The following EEFSEC variants were observed in gnomAD, a reference collection of about 807,000 sequenced individuals.
EEFSEC encodes the protein selenocysteine-specific elongation factor.
In EEFSEC, 43 loss-of-function variants were observed where a neutral mutation model predicts 42.1. The observed-to-expected ratio is 1.02, with a 90% CI of 0.80 to 1.32. The LOEUF is 1.32. Ranked by LOEUF, EEFSEC falls within the 40% of genes most tolerant of loss-of-function variation. The pLI, the probability that EEFSEC is intolerant of heterozygous loss-of-function variation, is 0.00. For missense variants in EEFSEC, 745 were observed against 803.6 expected (o/e 0.93, Z 0.88); for synonymous variants, 354 against 339.1 (o/e 1.04, Z -0.48).
chr3:128,387,050 C>T (rs2067847908), intron 6 of EEFSEC, among the ~76,000 whole-genome samples: 1 of 152,210 alleles, frequency 6.6e-6, no homozygotes, highest in Non-Finnish European at 1.5e-5. Flanking sequence ...ACCACAGGGC[C>T]CAGGTGAGGA....
At chr3:128,257,569 T>C (rs1054816802) in intron 2 of EEFSEC, among the ~76,000 whole-genome samples, 1 of 152,226 alleles carries the variant, frequency 6.6e-6, no homozygotes, top group Non-Finnish European at 1.5e-5. Flanking sequence ...AGGTCTTTTA[T>C]GGTTTTCTTA....
At chr3:128,380,687 T>A (rs1559949565) in intron 6 of EEFSEC, among the ~76,000 whole-genome samples, 1 of 152,240 alleles carries the variant, frequency 6.6e-6, no homozygotes, top group South Asian at 2.1e-4. Context: ...TGGTCAGCGG[T>A]TCTGGTTGAC....
At chr3:128,308,629 A>G (rs2066857347) in intron 4 of EEFSEC, among the ~76,000 whole-genome samples, 1 of 152,206 alleles carries the variant, frequency 6.6e-6, no homozygotes, top group Non-Finnish European at 1.5e-5. Flanking sequence ...TTGAATATCA[A>G]ATTTTATGAA....
At chr3:128,267,745 G>A (rs1345685573) in intron 4 of EEFSEC, among the ~76,000 whole-genome samples, 2 of 152,240 alleles carry the variant, frequency 1.3e-5, no homozygotes, top group Non-Finnish European at 2.9e-5. Context: ...TTCTGTTGAA[G>A]AGAGGAGGTG....
chr3:128,242,883 C>CA (rs2066086569), intron 1 of EEFSEC, among the ~76,000 whole-genome samples: 1 of 152,186 alleles, frequency 6.6e-6, no homozygotes, highest in African/African-American at 2.4e-5. Context: ...CCCACCCACT[C>CA]ACTCGCTATG....
chr3:128,321,606 T>C (rs2067009083), intron 4 of EEFSEC, among the ~76,000 whole-genome samples: 1 of 152,106 alleles, frequency 6.6e-6, no homozygotes, highest in African/African-American at 2.4e-5. Context: ...TCCTAGCCTT[T>C]CACTATGGGC....
intron 6 of EEFSEC, among the ~76,000 whole-genome samples, chr3:128,398,680 G>A (rs529028840): frequency 1.3e-5 from 2 of 152,238 alleles, no homozygotes; most frequent in African/African-American, 4.8e-5. Flanking sequence ...AGGAGCCTGT[G>A]GCAAACCACC....
Position 128,348,586 on chromosome 3 carries a change from G to A in EEFSEC, c.1443+6697G>A, listed in dbSNP as rs565497786. On this transcript the variant is annotated intron_variant, in intron 5 of 6. Transcript: ENST00000254730. Reference sequence around the variant, plus strand: ...ATGTAACTAGGATTATTCTTTGGGGGTTTTTTTGCATGGTATGTACTTTTA... The same window carrying A: ...ATGTAACTAGGATTATTCTTTGGGGATTTTTTTGCATGGTATGTACTTTTA... Among the ~76,000 whole-genome samples, 4 of 152,156 alleles carry A rather than the reference G, an allele frequency of 2.6e-5. No homozygotes were observed. In the East Asian group the frequency reaches 5.8e-4, roughly 22 times the overall value.
chr3:128,298,643 A>G (rs2066734763), intron 4 of EEFSEC, among the ~76,000 whole-genome samples: 1 of 152,188 alleles, frequency 6.6e-6, no homozygotes, highest in African/African-American at 2.4e-5. Flanking sequence ...ATTGTTAACT[A>G]TATAGTCAGC....
chr3:128,264,681 A>G lies in EEFSEC; in HGVS notation c.686A>G (p.Asp229Gly). 6.2e-7 allele frequency: 1 copy of G among 1,614,004 alleles called. No individual in the cohort carries two copies. Among genetic ancestry groups the G allele is most frequent in the Non-Finnish European group, 8.5e-7 (1 of 1,179,976 alleles). Residue 229 changes from aspartate to glycine, a missense_variant, in exon 4 of 7, where the codon GAC becomes GGC. Asp to Gly is a moderately conservative substitution (Grantham distance 94). Coordinates refer to ENST00000254730, the MANE Select transcript of EEFSEC (RefSeq NM_021937.5). ...TCGGGACCGTTCCTCATGTCTGTGG[A>G]CCACTGTTTCTCCATCAAAGGCCAA... Reference protein sequence around the residue: ...DPSGPFLMSVDHCFSIKGQGT... With the variant: ...DPSGPFLMSVGHCFSIKGQGT...
At chr3:128,383,040 A>G (rs1048365788) in intron 6 of EEFSEC, among the ~76,000 whole-genome samples, 1 of 151,822 alleles carries the variant, frequency 6.6e-6, no homozygotes, top group Non-Finnish European at 1.5e-5. Flanking sequence ...ACCTGAGTGG[A>G]TCCCTGCCCC....
chr3:128,253,966 A>G (rs2066215399), intron 2 of EEFSEC, among the ~76,000 whole-genome samples: 1 of 152,182 alleles, frequency 6.6e-6, no homozygotes, highest in Admixed American at 6.5e-5. Flanking sequence ...TGTCTTTAAA[A>G]AAGAAAAAAA....
the EEFSEC span, among the ~76,000 whole-genome samples, chr3:128,426,103 A>T: frequency 1.4e-3 from 219 of 152,332 alleles, 1 homozygote; most frequent in Middle Eastern, 0.017. Context: ...CCCAGCTTAC[A>T]GCAGAGCCAC....
In EEFSEC at chr3:128,262,233, A is replaced by G. The variant is rs370162790; in HGVS notation, c.621+9A>G. ...TTCCAGAGCTCATTGAGGTACTGTCATCTTGAATCCAGGTTGCCCTTTAGC... is the reference window on the plus strand; with the variant it reads ...TTCCAGAGCTCATTGAGGTACTGTCGTCTTGAATCCAGGTTGCCCTTTAGC... On this transcript the variant is annotated intron_variant, in intron 3 of 6. Transcript: ENST00000254730. The G allele has an allele frequency of 3.1e-6, 5 of 1,613,722 alleles. No homozygotes were observed. Among genetic ancestry groups the G allele is most frequent in the East Asian group, 2.2e-5 (1 of 44,872 alleles).
chr3:128,403,666 G>A (rs909911063), intron 6 of EEFSEC, among the ~76,000 whole-genome samples: 9 of 151,058 alleles, frequency 6.0e-5, no homozygotes, highest in East Asian at 5.9e-4. Flanking sequence ...CATGGCACAC[G>A]CCTTCATCTG....
chr3:128,358,975 G>A (rs1173565339), intron 6 of EEFSEC, among the ~76,000 whole-genome samples: 3 of 152,206 alleles, frequency 2.0e-5, no homozygotes, highest in African/African-American at 7.2e-5. Flanking sequence ...GTTCTTCTGT[G>A]TTGCAAGCAT....
intron 1 of EEFSEC, among the ~76,000 whole-genome samples, chr3:128,177,023 G>A (rs927943077): frequency 1.2e-4 from 17 of 147,762 alleles, no homozygotes; most frequent in Non-Finnish European, 1.5e-4. Flanking sequence ...TTGAGACAGA[G>A]TCTCGCTCTG....
intron 4 of EEFSEC, among the ~76,000 whole-genome samples, chr3:128,278,361 G>A (rs941974189): frequency 6.6e-6 from 1 of 152,208 alleles, no homozygotes; most frequent in Non-Finnish European, 1.5e-5. Context: ...GCATATTACC[G>A]ATGGACCCCA....
intron 4 of EEFSEC, among the ~76,000 whole-genome samples, chr3:128,286,945 C>T (rs1441016425): frequency 6.6e-6 from 1 of 152,192 alleles, no homozygotes; most frequent in Non-Finnish European, 1.5e-5. Context: ...GGCTTGCCTC[C>T]TTGCTTGTCT....
Sources: allele counts gnomAD v4.1 joint callset (sites outside exome capture counted in the v4.1 genomes callset), GRCh38; gene constraint gnomAD v4.1.1; transcripts MANE v1.5; gene names NCBI Gene and HGNC (gene_info 2026-07-23, HGNC 2026-07-21).